Variants in CSTA observed in about 807,000 individuals in gnomAD.
The protein encoded by CSTA is cystatin A.
In CSTA, 9 loss-of-function variants were observed where a neutral mutation model predicts 9.2. The observed-to-expected ratio is 0.97, with a 90% confidence interval of 0.59 to 1.70. The LOEUF is 1.70. CSTA is among the 40% of genes most tolerant of loss of function. CSTA has a pLI of 0.00. For synonymous variants in CSTA, 36 were observed against 40.6 expected, an observed-to-expected ratio of 0.89 and a Z score of 0.43; for missense variants, 118 against 113.1, an observed-to-expected ratio of 1.04 and a Z score of -0.20.
chr3:122,330,509 G>A (rs948776510), intron 1 of CSTA, among the ~76,000 whole-genome samples: 4 of 152,180 alleles, frequency 2.6e-5, no homozygotes, highest in Non-Finnish European at 5.9e-5. Context: ...GGCAAACAAG[G>A]GATGGCAATT....
chr3:122,325,390 G>A, intron 1 of CSTA, 32 bp downstream of exon 1: 2 of 1,602,234 alleles, frequency 1.2e-6, no homozygotes, highest in South Asian at 1.1e-5. Flanking sequence ...AAAAGTCTGA[G>A]CCAAAATCTT....
intron 1 of CSTA, among the ~76,000 whole-genome samples, chr3:122,328,755 G>T (rs2075184893): frequency 2.0e-5 from 3 of 151,436 alleles, no homozygotes; most frequent in African/African-American, 7.3e-5. Context: ...GGCCAACATA[G>T]CTTTCTACTT....
chr3:122,331,480 G>A (rs942130163), intron 1 of CSTA, among the ~76,000 whole-genome samples: 4 of 152,190 alleles, frequency 2.6e-5, no homozygotes, highest in Admixed American at 2.0e-4. Context: ...TGACAGGAGG[G>A]TAGCTTCAAA....
chr3:122,328,455 A>C (rs12632735), intron 1 of CSTA, among the ~76,000 whole-genome samples: 13,623 of 144,382 alleles, frequency 0.094, 1,213 homozygotes, highest in East Asian at 0.44. Flanking sequence ...AGCCAAGATC[A>C]TGACATTGCA....
intron 1 of CSTA, among the ~76,000 whole-genome samples, chr3:122,333,694 G>GAA (rs1481646745): frequency 7.2e-6 from 1 of 139,322 alleles, no homozygotes. Flanking sequence ...AAGAAAGAGA[G>GAA]AGAGAAAGAA....
chr3:122,335,185 T>A (rs1411242894), intron 1 of CSTA, among the ~76,000 whole-genome samples: 1 of 152,186 alleles, frequency 6.6e-6, no homozygotes. Context: ...GGTTCGGGAA[T>A]GCTGACATTT....
intron 1 of CSTA, among the ~76,000 whole-genome samples, chr3:122,329,634 T>C (rs553430540): frequency 6.6e-6 from 1 of 152,364 alleles, no homozygotes; most frequent in African/African-American, 2.4e-5. Flanking sequence ...GGTGCATTTC[T>C]TGTATATCTC....
At chr3:122,327,456 G>A (rs1173321986) in intron 1 of CSTA, among the ~76,000 whole-genome samples, 2 of 149,000 alleles carry the variant, frequency 1.3e-5, no homozygotes, top group African/African-American at 2.5e-5. Context: ...GTGAACCCGG[G>A]AGGTGGAGTT....
At chr3:122,339,560 A>G (rs940316790) in intron 2 of CSTA, among the ~76,000 whole-genome samples, 1 of 152,182 alleles carries the variant, frequency 6.6e-6, no homozygotes, top group Non-Finnish European at 1.5e-5. Flanking sequence ...GAGCTTTTAC[A>G]AGGTTACACT....
At chr3:122,331,735 T>G (rs1481677004) in intron 1 of CSTA, among the ~76,000 whole-genome samples, 3 of 152,178 alleles carry the variant, frequency 2.0e-5, no homozygotes, top group Non-Finnish European at 4.4e-5. Flanking sequence ...TTTGTTGGTC[T>G]TTTTCTAGAA....
intron 1 of CSTA, among the ~76,000 whole-genome samples, chr3:122,337,075 A>T (rs752547439): frequency 3.3e-5 from 5 of 152,222 alleles, no homozygotes; most frequent in Non-Finnish European, 7.3e-5. Flanking sequence ...GAGACTACTT[A>T]ATAGTATTAT....
intron 1 of CSTA, among the ~76,000 whole-genome samples, chr3:122,332,811 G>T (rs892525975): frequency 1.3e-5 from 2 of 152,108 alleles, no homozygotes; most frequent in African/African-American, 2.4e-5. Flanking sequence ...AGATGTGTCC[G>T]TTCACCGCCA....
chr3:122,330,246 G>GT (rs1356890344), intron 1 of CSTA, among the ~76,000 whole-genome samples: 1 of 152,162 alleles, frequency 6.6e-6, no homozygotes, highest in Non-Finnish European at 1.5e-5. Flanking sequence ...ATGTATCTCT[G>GT]TTTTTTAAAA....
At chr3:122,333,704 AAG>A (rs1236216374) in intron 1 of CSTA, among the ~76,000 whole-genome samples, 1 of 136,582 alleles carries the variant, frequency 7.3e-6, no homozygotes, top group Non-Finnish European at 1.6e-5. Flanking sequence ...GAGAGAAAGA[AAG>A]AAAAAGAAAG....
chr3:122,331,142 C>G (rs183257036), intron 1 of CSTA, among the ~76,000 whole-genome samples: 2 of 151,230 alleles, frequency 1.3e-5, no homozygotes, highest in Non-Finnish European at 3.0e-5. Context: ...CACACACACA[C>G]ACTCCCCTTA....
At chr3:122,329,404 C>G (rs1033131250) in intron 1 of CSTA, among the ~76,000 whole-genome samples, 19 of 151,970 alleles carry the variant, frequency 1.3e-4, no homozygotes, top group African/African-American at 3.1e-4. Flanking sequence ...GTCTCTACCC[C>G]CTCCAAAATA....
At chr3:122,341,239 C>G (rs918817543) in intron 2 of CSTA, among the ~76,000 whole-genome samples, 200 bp from the exon 3 acceptor site, 5 of 152,136 alleles carry the variant, frequency 3.3e-5, no homozygotes, top group African/African-American at 1.2e-4. Flanking sequence ...CGGCACCCAG[C>G]CTAGTCTGCT....
chr3:122,328,119 G>A (rs2075180933), intron 1 of CSTA, among the ~76,000 whole-genome samples: 1 of 152,170 alleles, frequency 6.6e-6, no homozygotes, highest in Admixed American at 6.6e-5. Flanking sequence ...TTCGAGCTCT[G>A]ATTTCATCTT....
chr3:122,329,349 A>C (rs767886685), intron 1 of CSTA, among the ~76,000 whole-genome samples: 2 of 152,074 alleles, frequency 1.3e-5, no homozygotes, highest in Admixed American at 6.5e-5. Flanking sequence ...AGAAGCGGGC[A>C]GATTGCTTGA....
Sources: gnomAD v4.1 joint callset for allele counts (sites outside exome capture counted in the v4.1 genomes callset) on GRCh38, gnomAD v4.1.1 for gene constraint, MANE v1.5 for transcripts, NCBI Gene and HGNC (gene_info 2026-07-23, HGNC 2026-07-21) for gene names.